Variants in PTPRG observed in about 807,000 individuals in gnomAD.
PTPRG encodes receptor-type tyrosine-protein phosphatase gamma.
In PTPRG, 102 loss-of-function variants were observed where a neutral mutation model predicts 165.3. That is an observed-to-expected ratio of 0.62 (90% CI 0.53 to 0.73). The LOEUF is 0.73. Ranked by LOEUF, PTPRG falls within the 30% of genes least tolerant of loss-of-function variation. The pLI is 0.00. For missense variants in PTPRG, 1,866 were observed against 1,861.4 expected (o/e 1.00, Z -0.05); for synonymous variants, 675 against 669.5 (o/e 1.01, Z -0.13).
At chr3:62,282,912 T>G (rs1393983656) in intron 28 of PTPRG, 43 bp downstream of exon 28, 1 of 1,551,108 alleles carries the variant, frequency 6.4e-7, no homozygotes, top group Non-Finnish European at 8.7e-7. Context: ...ACCGTTTTTT[T>G]GTTTAATTTC....
At chr3:62,176,786 G>A (rs180784345) in intron 8 of PTPRG, among the ~76,000 whole-genome samples, 66 of 151,660 alleles carry the variant, frequency 4.4e-4, no homozygotes, top group Non-Finnish European at 2.4e-4. Flanking sequence ...CACAGTACCT[G>A]GTACATAGTA....
intron 25 of PTPRG, among the ~76,000 whole-genome samples, 186 bp downstream of exon 25, chr3:62,277,234 C>CTTAA (rs1702260244): frequency 6.6e-6 from 1 of 152,102 alleles, no homozygotes; most frequent in South Asian, 2.1e-4. Flanking sequence ...TACAAAAATG[C>CTTAA]TTAAATTAAG....
At chr3:61,814,342 C>A (rs1030006638) in intron 2 of PTPRG, among the ~76,000 whole-genome samples, 4 of 152,168 alleles carry the variant, frequency 2.6e-5, no homozygotes, top group Admixed American at 2.0e-4. Context: ...GCTTATAGTT[C>A]ATAACCACTG....
At chr3:61,749,921 A>C (rs2033363991) in intron 2 of PTPRG, 1 of 151,968 alleles carries the variant, frequency 6.6e-6, no homozygotes, top group African/African-American at 2.4e-5. Context: ...TTAAATCCTG[A>C]ATTTCTCCCA....
At chr3:62,196,909 T>A (rs1199733771) in intron 10 of PTPRG, among the ~76,000 whole-genome samples, 1 of 152,190 alleles carries the variant, frequency 6.6e-6, no homozygotes, top group African/African-American at 2.4e-5. Context: ...CAGCAGCAAC[T>A]GCAAGATCTC....
At chr3:61,584,250 A>AAAT (rs1238074264) in intron 1 of PTPRG, among the ~76,000 whole-genome samples, 2 of 152,234 alleles carry the variant, frequency 1.3e-5, no homozygotes, top group Non-Finnish European at 2.9e-5. Context: ...CCTGAATTAA[A>AAAT]AATAATAATA....
chr3:61,810,864 G>A (rs1020411123), intron 2 of PTPRG, among the ~76,000 whole-genome samples: 1 of 152,170 alleles, frequency 6.6e-6, no homozygotes, highest in Non-Finnish European at 1.5e-5. Context: ...TTTTACTTTA[G>A]CGTTCCACCA....
chr3:61,764,906 G>A (rs184921704), intron 2 of PTPRG, among the ~76,000 whole-genome samples: 51 of 152,288 alleles, frequency 3.3e-4, no homozygotes, highest in African/African-American at 9.9e-4. Flanking sequence ...TGGCCAACTG[G>A]CATTTAGTGG....
At chr3:62,169,527 A>G (rs1705137976) in intron 8 of PTPRG, among the ~76,000 whole-genome samples, 1 of 152,092 alleles carries the variant, frequency 6.6e-6, no homozygotes, top group African/African-American at 2.4e-5. Context: ...GGAAACTAGA[A>G]CTTCTGGTTC....
intron 2 of PTPRG, among the ~76,000 whole-genome samples, chr3:61,840,616 C>G (rs1259160469): frequency 2.0e-5 from 3 of 152,034 alleles, no homozygotes; most frequent in African/African-American, 7.2e-5. Context: ...ATCAAAGAAT[C>G]ATTGATGACT....
intron 4 of PTPRG, among the ~76,000 whole-genome samples, chr3:62,022,122 G>A (rs1015817921): frequency 2.0e-5 from 3 of 152,136 alleles, no homozygotes; most frequent in Non-Finnish European, 4.4e-5. Flanking sequence ...GCTGCTGTAC[G>A]TGACTATTCC....
intron 1 of PTPRG, among the ~76,000 whole-genome samples, chr3:61,640,422 C>G (rs569198066): frequency 6.6e-6 from 1 of 152,122 alleles, no homozygotes; most frequent in Non-Finnish European, 1.5e-5. Context: ...CCTCCTCCTC[C>G]TCTTCTTTCT....
intron 1 of PTPRG, among the ~76,000 whole-genome samples, chr3:61,569,208 G>C (rs946676006): frequency 6.6e-6 from 1 of 152,182 alleles, no homozygotes; most frequent in Non-Finnish European, 1.5e-5. Context: ...TCTAAACTAG[G>C]TGGCTATTGA....
chr3:61,880,264 A>G (rs1164342409), intron 2 of PTPRG, among the ~76,000 whole-genome samples: 1 of 152,236 alleles, frequency 6.6e-6, no homozygotes, highest in East Asian at 1.9e-4. Context: ...TAAAATTTTT[A>G]GACTATCTCC....
intron 5 of PTPRG, among the ~76,000 whole-genome samples, chr3:62,102,788 C>A (rs971936646): frequency 2.0e-5 from 3 of 152,150 alleles, no homozygotes; most frequent in African/African-American, 7.2e-5. Context: ...TTCCCCATAT[C>A]AGGAGCATTG....
At chr3:62,083,046 A>G (rs1022806338) in intron 5 of PTPRG, among the ~76,000 whole-genome samples, 2 of 152,200 alleles carry the variant, frequency 1.3e-5, no homozygotes, top group African/African-American at 4.8e-5. Context: ...AATATTGTCA[A>G]GGGATAGAGG....
chr3:62,103,766 C>T lies in PTPRG; in HGVS notation c.615+25508C>T, dbSNP rs145610502. The stretch of plus-strand genomic sequence containing the variant: ...CACAGGCTGGGGCAGCATCCATGGA[C>T]GAGGCAGAGGAAGTGGGTAGCCTAG... On this transcript the variant is annotated intron_variant, in intron 5 of 29. Coordinates refer to ENST00000474889, the MANE Select transcript of PTPRG (RefSeq NM_002841.4). Among the ~76,000 whole-genome samples, 233 of 152,252 alleles carry T rather than the reference C, an allele frequency of 1.5e-3. 3 individuals are homozygous for T. Among genetic ancestry groups the T allele is most frequent in the South Asian group, 0.012 (56 of 4,818 alleles).
chr3:61,912,208 C>G (rs1392857470), intron 2 of PTPRG, among the ~76,000 whole-genome samples: 1 of 151,802 alleles, frequency 6.6e-6, no homozygotes, highest in Non-Finnish European at 1.5e-5. Context: ...TAGAAATACC[C>G]CTTCTTTATA....
chr3:62,277,688 A>G lies in PTPRG; in HGVS notation c.3765+9A>G. Reference sequence around the variant, plus strand: ...CAGACAACCAGAGCTTGGTAAGTAAAGCACATCTGCTATATATTAATGAGC... The same window carrying G: ...CAGACAACCAGAGCTTGGTAAGTAAGGCACATCTGCTATATATTAATGAGC... On this transcript the variant is annotated intron_variant, in intron 26 of 29. Coordinates refer to ENST00000474889, the MANE Select transcript of PTPRG (RefSeq NM_002841.4). The G allele has an allele frequency of 6.2e-7, 1 of 1,611,770 alleles. No individual in the cohort carries two copies. The highest frequency in any genetic ancestry group is 1.1e-5 in the South Asian group (1 of 91,024).
Sources: allele counts gnomAD v4.1 joint callset (sites outside exome capture counted in the v4.1 genomes callset), GRCh38; gene constraint gnomAD v4.1.1; transcripts MANE v1.5; gene names NCBI Gene and HGNC (gene_info 2026-07-23, HGNC 2026-07-21).